ADAMTS12: variants seen among roughly 807,000 people sequenced by gnomAD.
ADAMTS12 encodes the protein A disintegrin and metalloproteinase with thrombospondin motifs 12.
A neutral mutation model predicts 167.8 loss-of-function variants in ADAMTS12; 118 were observed. The ratio of observed to expected loss-of-function variants is 0.70; its 90% CI spans 0.61 to 0.82. The LOEUF (loss-of-function observed/expected upper bound fraction) is 0.82, where lower values mean the gene tolerates loss of function less well. Ranked by LOEUF, ADAMTS12 falls within the 40% of genes least tolerant of loss-of-function variation. ADAMTS12 has a pLI of 0.00. For synonymous variants in ADAMTS12, 704 were observed against 716.9 expected, an observed-to-expected ratio of 0.98 and a Z score of 0.29; for missense variants, 1,916 against 1,998.8, an observed-to-expected ratio of 0.96 and a Z score of 0.79.
chr5:33,666,477 G>A (rs1372368752), intron 5 of ADAMTS12, among the ~76,000 whole-genome samples: 2 of 150,900 alleles, frequency 1.3e-5, no homozygotes, highest in African/African-American at 2.4e-5. Context: ...ACACATTCAG[G>A]TGTATCTTCC....
intron 13 of ADAMTS12, among the ~76,000 whole-genome samples, chr5:33,626,415 G>C (rs1739608960): frequency 6.6e-6 from 1 of 150,382 alleles, no homozygotes; most frequent in Non-Finnish European, 1.5e-5. Context: ...GGGTGATGGT[G>C]ATAGTGGTGA....
At chr5:33,823,565 C>CGGGACTCACCCTGTAGGGAGGG (rs1747942595) in intron 2 of ADAMTS12, among the ~76,000 whole-genome samples, 1 of 151,558 alleles carries the variant, frequency 6.6e-6, no homozygotes, top group Admixed American at 6.6e-5. Flanking sequence ...AGTGAGTAGA[C>CGGGACTCACCCTGTAGGGAGGG]GGGACTCACC....
chr5:33,719,136 G>A (rs1227452268), intron 3 of ADAMTS12, among the ~76,000 whole-genome samples: 2 of 152,178 alleles, frequency 1.3e-5, no homozygotes, highest in African/African-American at 4.8e-5. Flanking sequence ...AGAGCTTAAT[G>A]ATCCACTTGG....
At chr5:33,615,711 T>C (rs1174925593) in intron 15 of ADAMTS12, 117 bp downstream of exon 15, 2 of 1,385,160 alleles carry the variant, frequency 1.4e-6, no homozygotes, top group South Asian at 1.4e-5. Flanking sequence ...TCCCTGCTCC[T>C]TGCTAAAAGA....
chr5:33,544,969 A>G (rs1744899638), intron 22 of ADAMTS12, among the ~76,000 whole-genome samples: 2 of 152,244 alleles, frequency 1.3e-5, no homozygotes, highest in South Asian at 4.1e-4. Flanking sequence ...TCATGACTAA[A>G]GCACCAAAAG....
chr5:33,754,986 G>A (rs181749375), intron 2 of ADAMTS12, among the ~76,000 whole-genome samples: 142 of 152,280 alleles, frequency 9.3e-4, no homozygotes, highest in African/African-American at 3.2e-3. Context: ...AATCCTAGTT[G>A]TAAATCCTCA....
At chr5:33,648,071 T>C (rs770050516) in intron 9 of ADAMTS12, among the ~76,000 whole-genome samples, 1 of 152,228 alleles carries the variant, frequency 6.6e-6, no homozygotes, top group South Asian at 2.1e-4. Context: ...CTCGTCAATA[T>C]GTGTGTGTTA....
At chr5:33,771,061 G>A (rs1745721399) in intron 2 of ADAMTS12, among the ~76,000 whole-genome samples, 4 of 152,082 alleles carry the variant, frequency 2.6e-5, no homozygotes, top group Admixed American at 2.6e-4. Context: ...TTACAGGTTA[G>A]TAAATGTCAC....
At position 33,738,827 on chromosome 5, in the gene ADAMTS12, C is replaced by T. The variant is rs189898915; in HGVS notation, c.634+12577G>A. 3.7e-3 allele frequency among the ~76,000 whole-genome samples: 569 copies of T among 152,302 alleles called. 10 individuals are homozygous for T. The highest frequency in any genetic ancestry group is 0.013 in the African/African-American group (545 of 41,568). ...GGAGCTGGCACGAAGGCTGGTTTCC[C>T]GTGCAATGTCTTTGAGAGGATGGCG... On this transcript the variant is annotated intron_variant, in intron 3 of 23. Transcript: ENST00000504830.
At chr5:33,802,623 G>A (rs1222383581) in intron 2 of ADAMTS12, among the ~76,000 whole-genome samples, 1 of 152,102 alleles carries the variant, frequency 6.6e-6, no homozygotes, top group African/African-American at 2.4e-5. Context: ...AAGATTTCAG[G>A]CAACTTCCTC....
At chr5:33,660,011 A>G (rs1280475273) in intron 6 of ADAMTS12, among the ~76,000 whole-genome samples, 2 of 152,208 alleles carry the variant, frequency 1.3e-5, no homozygotes, top group Non-Finnish European at 2.9e-5. Context: ...TCTCATGGGT[A>G]GAGGCCAGAT....
intron 23 of ADAMTS12, among the ~76,000 whole-genome samples, chr5:33,528,261 G>A (rs1013637207): frequency 6.6e-5 from 10 of 151,934 alleles, no homozygotes; most frequent in Admixed American, 6.6e-5. Flanking sequence ...TAGACAGGGG[G>A]CCCAGGGAGG....
intron 2 of ADAMTS12, among the ~76,000 whole-genome samples, chr5:33,829,285 G>A (rs542316716): frequency 1.6e-4 from 25 of 152,200 alleles, no homozygotes; most frequent in African/African-American, 5.1e-4. Flanking sequence ...CCTTAGAGAC[G>A]GGGCATCCTA....
At chr5:33,619,550 C>A (rs1235899104) in intron 14 of ADAMTS12, among the ~76,000 whole-genome samples, 1 of 152,062 alleles carries the variant, frequency 6.6e-6, no homozygotes, top group East Asian at 1.9e-4. Context: ...CTTTTAAAAC[C>A]AAACCTCTTT....
intron 22 of ADAMTS12, among the ~76,000 whole-genome samples, chr5:33,539,767 TA>T (rs1477764957): frequency 6.6e-6 from 1 of 152,218 alleles, no homozygotes; most frequent in Non-Finnish European, 1.5e-5. Flanking sequence ...ATTTTATTTT[TA>T]TTTTTTTGCT....
At chr5:33,640,419 A>G (rs1373115712) in intron 11 of ADAMTS12, among the ~76,000 whole-genome samples, 1 of 152,172 alleles carries the variant, frequency 6.6e-6, no homozygotes, top group African/African-American at 2.4e-5. Context: ...GAACTTTCAC[A>G]CTGGTGGTGT....
chr5:33,658,360 G>T, intron 6 of ADAMTS12, 27 bp from the exon 7 acceptor site: 2 of 1,605,944 alleles, frequency 1.2e-6, no homozygotes, highest in Non-Finnish European at 1.7e-6. Context: ...CAGAAGCTAA[G>T]GCGCCCAAAG....
intron 2 of ADAMTS12, among the ~76,000 whole-genome samples, chr5:33,842,202 T>C: frequency 6.6e-6 from 1 of 152,242 alleles, no homozygotes; most frequent in East Asian, 1.9e-4. Context: ...CGTTCATCTG[T>C]AACTCATAAG....
chr5:33,620,776 C>A (rs1275619512), intron 14 of ADAMTS12, among the ~76,000 whole-genome samples: 1 of 152,012 alleles, frequency 6.6e-6, no homozygotes, highest in Non-Finnish European at 1.5e-5. Flanking sequence ...CTTAATTTTT[C>A]TGATGTGTCT....
Sources: allele counts gnomAD v4.1 joint callset (sites outside exome capture counted in the v4.1 genomes callset), GRCh38; gene constraint gnomAD v4.1.1; transcripts MANE v1.5; gene names NCBI Gene and HGNC (gene_info 2026-07-23, HGNC 2026-07-21).